Variants in MAGI2 observed in about 807,000 individuals in gnomAD.
MAGI2 encodes membrane associated guanylate kinase, WW and PDZ domain containing 2.
Under a neutral mutation model 133.3 loss-of-function variants are expected in MAGI2, and 35 were observed. That is an observed-to-expected ratio of 0.26 (90% confidence interval 0.20 to 0.35). The LOEUF (loss-of-function observed/expected upper bound fraction) is 0.35. Among genes scored for constraint, MAGI2 ranks in the 10% least tolerant of loss-of-function variants. The pLI is 1.00. For synonymous variants in MAGI2, 729 were observed against 710.6 expected, an observed-to-expected ratio of 1.03 and a Z score of -0.41; for missense variants, 1,636 against 1,863.4, an observed-to-expected ratio of 0.88 and a Z score of 2.25.
intron 1 of MAGI2, among the ~76,000 whole-genome samples, chr7:79,228,232 T>C (rs1831027622): frequency 6.6e-6 from 1 of 151,044 alleles, no homozygotes; most frequent in South Asian, 2.1e-4. Flanking sequence ...TAGTACTAGC[T>C]ACTCAGGAGG....
chr7:78,899,247 A>G (rs1797429659), intron 2 of MAGI2, among the ~76,000 whole-genome samples: 1 of 152,228 alleles, frequency 6.6e-6, no homozygotes, highest in African/African-American at 2.4e-5. Flanking sequence ...ATGTCACCAC[A>G]TTGCACCTGA....
intron 6 of MAGI2, among the ~76,000 whole-genome samples, chr7:78,379,656 C>T (rs1488642148): frequency 6.6e-6 from 1 of 151,944 alleles, no homozygotes; most frequent in Admixed American, 6.6e-5. Flanking sequence ...TATGAAAGAA[C>T]TAAATATCAT....
rs1445897897 is a variant in MAGI2 at position 78,030,487 on chromosome 7, C to T, written c.3707-10511G>A. 7.9e-5 allele frequency among the ~76,000 whole-genome samples: 12 copies of T among 152,254 alleles called. No individual in the cohort carries two copies. The East Asian group carries it at 2.3e-3, about 29-fold the overall frequency. ...GGCCAGGATGGTCTTGATCTCTTGA[C>T]CTTATGATCCACCCACCTTGGCCTC... On this transcript the variant is annotated intron_variant, in intron 21 of 21. Transcript: ENST00000354212.
chr7:79,389,232 G>A lies in MAGI2; in HGVS notation c.301+63788C>T, dbSNP rs59647672. The stretch of plus-strand genomic sequence containing the variant: ...TAATTTTAACATTGACAGATATCAA[G>A]GACAATTTCAAATTTGTGTTATTTC... On this transcript the variant is annotated intron_variant, in intron 1 of 21. Transcript: ENST00000354212. Among the ~76,000 whole-genome samples, 1,330 of 151,852 alleles carry A rather than the reference G, an allele frequency of 8.8e-3. 13 individuals are homozygous for A. The highest frequency in any genetic ancestry group is 0.031 in the African/African-American group (1,273 of 41,448).
chr7:79,437,601 A>C (rs1244967811), intron 1 of MAGI2, among the ~76,000 whole-genome samples: 1 of 152,146 alleles, frequency 6.6e-6, no homozygotes, highest in African/African-American at 2.4e-5. Context: ...AACCTAGAGA[A>C]AAGATTGTTT....
chr7:79,073,297 T>C lies in MAGI2; in HGVS notation c.302-66091A>G, dbSNP rs113029090. On this transcript the variant is annotated intron_variant, in intron 1 of 21. Transcript: ENST00000354212. ...AAAGGTAATTACTGCCAGAAATTTATATGTTGAAAAGGGGATTAGGTGTTG... is the reference window on the plus strand; with the variant it reads ...AAAGGTAATTACTGCCAGAAATTTACATGTTGAAAAGGGGATTAGGTGTTG... Among the ~76,000 whole-genome samples the C allele has an allele frequency of 4.6e-3, 705 of 152,284 alleles. 8 individuals carry two copies. Among genetic ancestry groups the C allele is most frequent in the African/African-American group, 0.016 (661 of 41,560 alleles).
intron 6 of MAGI2, among the ~76,000 whole-genome samples, chr7:78,481,029 A>G (rs1284197815): frequency 6.6e-6 from 1 of 151,950 alleles, no homozygotes; most frequent in East Asian, 1.9e-4. Context: ...TTCCTATGAG[A>G]ATCCCAACAA....
intron 10 of MAGI2, among the ~76,000 whole-genome samples, chr7:78,230,692 AAG>A (rs1234719771): frequency 1.3e-5 from 2 of 152,186 alleles, no homozygotes; most frequent in African/African-American, 4.8e-5. Flanking sequence ...CTGAGGAAAA[AAG>A]AGAAACAATT....
intron 2 of MAGI2, among the ~76,000 whole-genome samples, chr7:78,669,148 G>C (rs1485869963): frequency 1.3e-5 from 2 of 151,906 alleles, no homozygotes; most frequent in Non-Finnish European, 2.9e-5. Flanking sequence ...TTTTTGAAAG[G>C]ATCAACAAAA....
chr7:78,785,702 TCTAA>T (rs1171988767), intron 2 of MAGI2, among the ~76,000 whole-genome samples: 2 of 152,226 alleles, frequency 1.3e-5, no homozygotes, highest in African/African-American at 4.8e-5. Context: ...AGGTGTATCA[TCTAA>T]CTTATTTGAG....
intron 2 of MAGI2, among the ~76,000 whole-genome samples, chr7:78,996,603 C>T (rs555666982): frequency 2.0e-4 from 31 of 152,132 alleles, no homozygotes; most frequent in African/African-American, 7.5e-4. Flanking sequence ...TACAACAAAC[C>T]CCCATGATAC....
intron 1 of MAGI2, among the ~76,000 whole-genome samples, chr7:79,084,122 C>T (rs749223284): frequency 2.0e-5 from 3 of 151,486 alleles, no homozygotes; most frequent in Non-Finnish European, 3.0e-5. Context: ...TGTACTTGAT[C>T]TCTATTGTTT....
At chr7:79,143,575 A>G (rs1046520445) in intron 1 of MAGI2, among the ~76,000 whole-genome samples, 1 of 152,200 alleles carries the variant, frequency 6.6e-6, no homozygotes, top group Non-Finnish European at 1.5e-5. Context: ...CAATATCCCA[A>G]TGCTGATGTA....
chr7:78,083,270 G>A (rs1425298489), intron 20 of MAGI2, among the ~76,000 whole-genome samples: 1 of 151,070 alleles, frequency 6.6e-6, no homozygotes, highest in African/African-American at 2.4e-5. Context: ...TTACTAAAAT[G>A]AAACTTCTAA....
chr7:78,108,442 G>A (rs371076278), intron 20 of MAGI2, among the ~76,000 whole-genome samples: 3 of 152,174 alleles, frequency 2.0e-5, no homozygotes, highest in African/African-American at 7.2e-5. Flanking sequence ...AAGGATGTGT[G>A]TTCTGCAGCT....
In MAGI2 at chr7:78,256,213, T is replaced by C. The variant is rs745364999; in HGVS notation, c.1777A>G (p.Met593Val). The C allele has an allele frequency of 5.0e-5, 80 of 1,613,914 alleles. No homozygotes were observed. Among genetic ancestry groups the C allele is most frequent in the Middle Eastern group, 1.6e-4 (1 of 6,084 alleles). The stretch of plus-strand genomic sequence containing the variant: ...GCTTGGGTGGCCCCAGATGAAGCCA[T>C]AGACACATTGTCATCATGGACGGGC... ...PPPVHDDNVS[M>V]ASSGATQAEL... is the part of the protein sequence containing the mutation. The change falls in exon 10 of 22, where the codon ATG (methionine) becomes GTG (valine). Residue 593 changes from methionine (M) to valine (V), a missense_variant. Physicochemically the swap from Met to Val is conservative, Grantham distance 21. Around this residue, in one of 5 missense-constraint regions of MAGI2, gnomAD observed 920 missense variants for 1,093.5 expected, o/e 0.84. Transcript: ENST00000354212.
rs771635003 is a variant in MAGI2 at position 78,167,986 on chromosome 7, G to A, written c.2526C>T (p.Ile842=). Residue 842 remains isoleucine, a synonymous_variant, in exon 15 of 22, where the codon ATC becomes ATT. Transcript: ENST00000354212. The stretch of plus-strand genomic sequence containing the variant: ...TGCGGGCTGCGTGGTGCATGAGGTC[G>A]ATGACATAGCGGTGGGTTTTGCCGG... The part of the protein sequence containing the change: ...PVAGKTHRYV[I]DLMHHAARNG... 1.2e-5 allele frequency: 20 copies of A among 1,613,968 alleles called. No individual in the cohort carries two copies. Among genetic ancestry groups the A allele is most frequent in the Admixed American group, 1.7e-5 (1 of 59,980 alleles).
At chr7:78,485,569 T>C (rs1010616980) in intron 6 of MAGI2, 1 of 152,006 alleles carries the variant, frequency 6.6e-6, no homozygotes, top group Admixed American at 6.6e-5. Flanking sequence ...TGTTAGTTTT[T>C]TCTCTAGTCT....
chr7:78,739,857 G>A (rs1283274709), intron 2 of MAGI2, among the ~76,000 whole-genome samples: 1 of 152,078 alleles, frequency 6.6e-6, no homozygotes, highest in Non-Finnish European at 1.5e-5. Flanking sequence ...CCCACTCTTA[G>A]TAAGCGTGTA....
Sources: allele counts gnomAD v4.1 joint callset (sites outside exome capture counted in the v4.1 genomes callset), GRCh38; gene constraint gnomAD v4.1.1; regional missense constraint gnomAD v4.1.1; transcripts MANE v1.5; gene names NCBI Gene and HGNC (gene_info 2026-07-23, HGNC 2026-07-21).